The following XYLT1 variants were observed in gnomAD, a reference collection of about 807,000 sequenced individuals.
XYLT1 encodes beta-D-xylosyltransferase 1.
A neutral mutation model predicts 91.3 loss-of-function variants in XYLT1; 36 were observed. That is an observed-to-expected ratio of 0.39 (90% CI 0.30 to 0.52). XYLT1 has a LOEUF of 0.52. XYLT1 is among the 20% of genes least tolerant of loss of function. The pLI is 0.68. For synonymous variants in XYLT1, 588 were observed against 532.0 expected, an observed-to-expected ratio of 1.11 and a Z score of -1.45; for missense variants, 1,242 against 1,284.5, an observed-to-expected ratio of 0.97 and a Z score of 0.51.
At chr16:17,374,158 A>G (rs550886478) in intron 1 of XYLT1, among the ~76,000 whole-genome samples, 1 of 152,352 alleles carries the variant, frequency 6.6e-6, no homozygotes, top group East Asian at 1.9e-4. Flanking sequence ...GCAGAAGGAG[A>G]AGCATGAATA....
At position 17,164,361 on chromosome 16, in the gene XYLT1, G is replaced by A. The variant is rs544208389; in HGVS notation, c.1290-5452C>T. 7.2e-5 allele frequency among the ~76,000 whole-genome samples: 11 copies of A among 152,006 alleles called. No individual in the cohort carries two copies. The South Asian group carries it at 2.1e-3, about 29-fold the overall frequency. On this transcript the variant is annotated intron_variant, in intron 5 of 11. Transcript: ENST00000261381. ...TTTTTCTGAGATCAGACGAGGTTGG[G>A]TGTGTTCAGGGTGATATGTCTGTAG... is the stretch of plus-strand genomic sequence containing the variant.
chr16:17,138,997 G>T (rs191322955), intron 7 of XYLT1, among the ~76,000 whole-genome samples: 10 of 152,182 alleles, frequency 6.6e-5, no homozygotes, highest in African/African-American at 2.4e-4. Flanking sequence ...ATCGCCAGAC[G>T]GCAACATAGG....
At chr16:17,369,392 A>T (rs1004984463) in intron 1 of XYLT1, among the ~76,000 whole-genome samples, 1 of 152,118 alleles carries the variant, frequency 6.6e-6, no homozygotes, top group Non-Finnish European at 1.5e-5. Flanking sequence ...TGAAATGTGG[A>T]AAGATCTGAC....
At position 17,104,799 on chromosome 16, in the gene XYLT1, C is replaced by G. The variant is rs1169874692; in HGVS notation, c.*3896G>C. ...ACAGGTTGGGGCTGAGTAGCAGCTG[C>G]TCATTCTGGGTAGGTCACGTGCATG... On this transcript the variant is annotated 3_prime_UTR_variant, in exon 12 of 12. Coordinates refer to ENST00000261381, the MANE Select transcript of XYLT1 (RefSeq NM_022166.4). The G allele has an allele frequency of 2.6e-5, 4 of 152,326 alleles. No individual in the cohort carries two copies. In the East Asian group the frequency reaches 5.8e-4, roughly 22 times the overall value. 9.4% of individuals were successfully genotyped at this position (152,326 alleles called of 1,614,324 possible). A position where few individuals can be genotyped will look rare whatever the true frequency, so the allele number is the denominator to read the frequency against.
At chr16:17,410,921 C>A (rs375103310) in intron 1 of XYLT1, among the ~76,000 whole-genome samples, 19 of 152,278 alleles carry the variant, frequency 1.2e-4, no homozygotes, top group African/African-American at 4.6e-4. Flanking sequence ...GGATTACAGG[C>A]GTGAGCCACC....
intron 1 of XYLT1, among the ~76,000 whole-genome samples, chr16:17,395,954 G>C (rs899534513): frequency 2.6e-5 from 4 of 152,194 alleles, no homozygotes; most frequent in Admixed American, 6.5e-5. Flanking sequence ...CGCCACGGCA[G>C]AGAGATGAAA....
In XYLT1 at chr16:17,356,263, G is replaced by A. The variant is rs573096185; in HGVS notation, c.402+1749C>T. On this transcript the variant is annotated intron_variant, in intron 2 of 11. Coordinates refer to ENST00000261381, the MANE Select transcript of XYLT1 (RefSeq NM_022166.4). ...TATGTTAAGGAAAAATGTATTTTTAGGTGACTTTATAGAATAGATGAAATT... is the reference window on the plus strand; with the variant it reads ...TATGTTAAGGAAAAATGTATTTTTAAGTGACTTTATAGAATAGATGAAATT... 4.6e-5 allele frequency among the ~76,000 whole-genome samples: 7 copies of A among 152,286 alleles called. No homozygotes were observed. The East Asian group carries it at 1.4e-3, about 29-fold the overall frequency.
At chr16:17,130,277 T>C (rs1448390135) in intron 9 of XYLT1, among the ~76,000 whole-genome samples, 1 of 152,242 alleles carries the variant, frequency 6.6e-6, no homozygotes, top group Non-Finnish European at 1.5e-5. Flanking sequence ...CATGAATGCA[T>C]ATTGTTTCAA....
intron 5 of XYLT1, among the ~76,000 whole-genome samples, chr16:17,194,522 C>A (rs2032386421): frequency 6.6e-6 from 1 of 152,204 alleles, no homozygotes; most frequent in Non-Finnish European, 1.5e-5. Flanking sequence ...TGAGCACAGC[C>A]CCTAAGACTG....
intron 1 of XYLT1, among the ~76,000 whole-genome samples, chr16:17,448,494 GCATA>G (rs774041554): frequency 6.6e-6 from 1 of 152,128 alleles, no homozygotes; most frequent in Non-Finnish European, 1.5e-5. Context: ...GTGGGAAAAT[GCATA>G]CAGAGAAGCT....
chr16:17,392,914 G>A (rs1056531255), intron 1 of XYLT1, among the ~76,000 whole-genome samples: 4 of 152,156 alleles, frequency 2.6e-5, no homozygotes, highest in Non-Finnish European at 5.9e-5. Context: ...AAATATATAA[G>A]TGACTGTTCC....
chr16:17,430,341 C>T (rs554584787), intron 1 of XYLT1, among the ~76,000 whole-genome samples: 15 of 152,224 alleles, frequency 9.9e-5, no homozygotes, highest in Admixed American at 5.2e-4. Flanking sequence ...TTTCAGATTA[C>T]GGGTGCTCAA....
intron 2 of XYLT1, among the ~76,000 whole-genome samples, chr16:17,268,259 A>T (rs540917135): frequency 6.6e-6 from 1 of 152,286 alleles, no homozygotes; most frequent in African/African-American, 2.4e-5. Context: ...CTTCTTCCTA[A>T]ATTTGTTTTC....
intron 2 of XYLT1, among the ~76,000 whole-genome samples, chr16:17,297,436 C>T (rs1328051063): frequency 1.3e-5 from 2 of 151,860 alleles, no homozygotes; most frequent in African/African-American, 4.8e-5. Flanking sequence ...AAAAACTTAG[C>T]TGGGTATCAT....
intron 3 of XYLT1, among the ~76,000 whole-genome samples, chr16:17,220,336 T>G (rs1019388133): frequency 6.6e-6 from 1 of 151,982 alleles, no homozygotes; most frequent in Admixed American, 6.6e-5. Flanking sequence ...ATGAGCACAA[T>G]TGAAATCTGA....
At chr16:17,347,839 A>G (rs1046373307) in intron 2 of XYLT1, among the ~76,000 whole-genome samples, 52 of 152,220 alleles carry the variant, frequency 3.4e-4, no homozygotes, top group African/African-American at 1.2e-3. Context: ...GGGAGGTGCT[A>G]TGCACCAGGG....
chr16:17,463,402 C>A (rs1161778384), intron 1 of XYLT1, among the ~76,000 whole-genome samples: 1 of 152,120 alleles, frequency 6.6e-6, no homozygotes, highest in African/African-American at 2.4e-5. Context: ...ATTTTTTAAA[C>A]AGGCAAAAGA....
At chr16:17,221,124 T>C (rs574586776) in intron 3 of XYLT1, among the ~76,000 whole-genome samples, 1 of 152,212 alleles carries the variant, frequency 6.6e-6, no homozygotes, top group African/African-American at 2.4e-5. Context: ...TCCTAACATA[T>C]TGTTTGGGGT....
intron 11 of XYLT1, among the ~76,000 whole-genome samples, chr16:17,111,300 A>C (rs746271010): frequency 1.2e-4 from 19 of 152,250 alleles, no homozygotes; most frequent in Non-Finnish European, 2.1e-4. Flanking sequence ...GAAGGAAAGA[A>C]GCTAAACACT....
Sources: allele counts gnomAD v4.1 joint callset (sites outside exome capture counted in the v4.1 genomes callset), GRCh38; gene constraint gnomAD v4.1.1; transcripts MANE v1.5; gene names NCBI Gene and HGNC (gene_info 2026-07-23, HGNC 2026-07-21).